MAGI2: variants seen among roughly 807,000 people sequenced by gnomAD.
The protein encoded by MAGI2 is membrane-associated guanylate kinase, WW and PDZ domain-containing protein 2.
In MAGI2, 35 loss-of-function variants were observed where a neutral mutation model predicts 133.3. The ratio of observed to expected loss-of-function variants is 0.26; its 90% CI spans 0.20 to 0.35. The LOEUF (loss-of-function observed/expected upper bound fraction) is 0.35. Ranked by LOEUF, MAGI2 falls within the 10% of genes least tolerant of loss-of-function variation. MAGI2 has a pLI of 1.00. For synonymous variants in MAGI2, 729 were observed against 710.6 expected (o/e 1.03, Z -0.41); for missense variants, 1,636 against 1,863.4 (o/e 0.88, Z 2.25).
intron 20 of MAGI2, among the ~76,000 whole-genome samples, chr7:78,086,268 C>T (rs1583835003): frequency 1.6e-5 from 2 of 122,110 alleles, no homozygotes; most frequent in Admixed American, 9.1e-5. Context: ...GATGGAGTTT[C>T]ACTCTGTTGC....
chr7:78,494,070 G>A (rs1032719988), intron 5 of MAGI2, among the ~76,000 whole-genome samples: 2 of 151,964 alleles, frequency 1.3e-5, no homozygotes, highest in Admixed American at 1.3e-4. Context: ...TCCACCCCCT[G>A]GGATCAAGTG....
At position 78,599,464 on chromosome 7, in the gene MAGI2, A is replaced by G. The variant is rs190924992; in HGVS notation, c.538+27656T>C. The stretch of plus-strand genomic sequence containing the variant: ...TGTTCTTCCTTCAGTCTCTGTGAGA[A>G]ATACCCATACCCAGAGTCCTGGAGC... On this transcript the variant is annotated intron_variant, in intron 3 of 21. Coordinates refer to ENST00000354212, the MANE Select transcript of MAGI2 (RefSeq NM_012301.4). Among the ~76,000 whole-genome samples, 160 of 152,280 alleles carry G rather than the reference A, an allele frequency of 1.1e-3. 1 individual carries two copies. Among genetic ancestry groups the G allele is most frequent in the African/African-American group, 3.4e-3 (141 of 41,544 alleles).
At chr7:78,038,154 G>A (rs979802709) in intron 21 of MAGI2, among the ~76,000 whole-genome samples, 1 of 152,136 alleles carries the variant, frequency 6.6e-6, no homozygotes, top group Admixed American at 6.6e-5. Context: ...CTGTTAGAAA[G>A]GGACTGGGAT....
chr7:78,386,177 T>C (rs952484745), intron 6 of MAGI2, among the ~76,000 whole-genome samples: 1 of 152,180 alleles, frequency 6.6e-6, no homozygotes, highest in Non-Finnish European at 1.5e-5. Context: ...AAATCCCTTT[T>C]GATAAAATTA....
chr7:79,083,958 T>C (rs1188534089), intron 1 of MAGI2, among the ~76,000 whole-genome samples: 5 of 151,746 alleles, frequency 3.3e-5, no homozygotes, highest in Non-Finnish European at 7.4e-5. Flanking sequence ...TAACACACTA[T>C]TGTTCATTCC....
chr7:78,070,174 CATATATATATAT>C (rs57714371), intron 21 of MAGI2, among the ~76,000 whole-genome samples: 116 of 56,638 alleles, frequency 2.0e-3, no homozygotes, highest in East Asian at 7.7e-3. Context: ...CACACACACA[CATATATATATAT>C]ATATATATAT....
At chr7:78,047,853 A>T (rs1811589290) in intron 21 of MAGI2, among the ~76,000 whole-genome samples, 1 of 152,022 alleles carries the variant, frequency 6.6e-6, no homozygotes, top group Non-Finnish European at 1.5e-5. Flanking sequence ...GCTTGCGTTG[A>T]TTTTGCCTAT....
At chr7:78,123,657 G>C (rs1047408567) in intron 20 of MAGI2, among the ~76,000 whole-genome samples, 2 of 152,136 alleles carry the variant, frequency 1.3e-5, no homozygotes, top group African/African-American at 2.4e-5. Context: ...CAAAATTTCA[G>C]CACGATACTC....
At chr7:78,571,766 T>C (rs1300654198) in intron 3 of MAGI2, among the ~76,000 whole-genome samples, 2 of 152,160 alleles carry the variant, frequency 1.3e-5, no homozygotes, top group African/African-American at 4.8e-5. Context: ...GCAATGATAA[T>C]TGTTGATATT....
intron 1 of MAGI2, among the ~76,000 whole-genome samples, chr7:79,428,778 T>C (rs1219610763): frequency 6.6e-6 from 1 of 152,138 alleles, no homozygotes; most frequent in Non-Finnish European, 1.5e-5. Flanking sequence ...GGATGACAAA[T>C]CGCCTGAGTT....
chr7:78,902,783 A>G (rs1379349790), intron 2 of MAGI2, among the ~76,000 whole-genome samples: 2 of 152,140 alleles, frequency 1.3e-5, no homozygotes, highest in African/African-American at 4.8e-5. Flanking sequence ...GCTCAATTGG[A>G]CCCCTGTTGG....
In MAGI2 at chr7:79,141,611, T is replaced by C. The variant is rs564198848; in HGVS notation, c.302-134405A>G. Among the ~76,000 whole-genome samples, 119 of 152,280 alleles carry C rather than the reference T, an allele frequency of 7.8e-4. 1 individual carries two copies. The South Asian group carries it at 0.023, about 30-fold the overall frequency. On this transcript the variant is annotated intron_variant, in intron 1 of 21. Transcript: ENST00000354212. ...AGTCAATAATTATTAATGTACTATA[T>C]CTTACTTCAATAATCAATGCAAATG...
intron 6 of MAGI2, among the ~76,000 whole-genome samples, chr7:78,417,365 G>T (rs1359776624): frequency 6.6e-6 from 1 of 151,384 alleles, no homozygotes; most frequent in Non-Finnish European, 1.5e-5. Context: ...TGACGGGTGT[G>T]TGGGAGGCCG....
intron 6 of MAGI2, among the ~76,000 whole-genome samples, chr7:78,446,744 C>A (rs1020389947): frequency 9.2e-5 from 14 of 152,044 alleles, no homozygotes; most frequent in African/African-American, 2.7e-4. Flanking sequence ...AAAATGCTAA[C>A]TTGTTCATAG....
intron 1 of MAGI2, among the ~76,000 whole-genome samples, chr7:79,162,662 TA>T (rs994816764): frequency 6.6e-6 from 1 of 152,108 alleles, no homozygotes; most frequent in African/African-American, 2.4e-5. Context: ...ACTAACAGGA[TA>T]AAAATACCTT....
chr7:78,633,670 C>T (rs11761904), intron 2 of MAGI2, among the ~76,000 whole-genome samples: 6,433 of 140,444 alleles, frequency 0.046, 193 homozygotes, highest in East Asian at 0.079. Context: ...CGCGCCACTG[C>T]ACTCCAGCCT....
chr7:78,889,105 G>A (rs1355087723), intron 2 of MAGI2, among the ~76,000 whole-genome samples: 2 of 152,146 alleles, frequency 1.3e-5, no homozygotes, highest in Non-Finnish European at 2.9e-5. Flanking sequence ...TAGCCAATGT[G>A]ATCAACTGGA....
intron 2 of MAGI2, among the ~76,000 whole-genome samples, chr7:78,716,561 A>G (rs897579302): frequency 1.3e-5 from 2 of 152,348 alleles, no homozygotes; most frequent in African/African-American, 4.8e-5. Flanking sequence ...TTAGACATCT[A>G]ATATTCAATT....
chr7:78,500,931 T>C (rs932824006), intron 5 of MAGI2, among the ~76,000 whole-genome samples: 1 of 152,010 alleles, frequency 6.6e-6, no homozygotes, highest in African/African-American at 2.4e-5. Context: ...CTACTAAAAA[T>C]ACAAAAATTA....
Sources: allele counts gnomAD v4.1 joint callset (sites outside exome capture counted in the v4.1 genomes callset), GRCh38; gene constraint gnomAD v4.1.1; transcripts MANE v1.5; gene names NCBI Gene and HGNC (gene_info 2026-07-23, HGNC 2026-07-21).